Variants in WWC1 observed in about 807,000 individuals in gnomAD.
WWC1 encodes protein KIBRA.
In WWC1, 55 loss-of-function variants were observed where a neutral mutation model predicts 138.4. The ratio of observed to expected loss-of-function variants is 0.40; its 90% CI spans 0.32 to 0.50. The LOEUF is 0.50. Among genes scored for constraint, WWC1 ranks in the 20% least tolerant of loss-of-function variants. The pLI is 0.72. For missense variants in WWC1, 1,226 were observed against 1,420.4 expected, an observed-to-expected ratio of 0.86 and a Z score of 2.20; for synonymous variants, 524 against 564.9, an observed-to-expected ratio of 0.93 and a Z score of 1.03.
At chr5:168,447,726 T>G (rs1161526303) in intron 17 of WWC1, among the ~76,000 whole-genome samples, 2 of 152,140 alleles carry the variant, frequency 1.3e-5, no homozygotes, top group Non-Finnish European at 2.9e-5. Flanking sequence ...GTATGTTCCT[T>G]TGTTAGTTTA....
intron 9 of WWC1, among the ~76,000 whole-genome samples, chr5:168,421,082 A>AT (rs1254118998): frequency 6.6e-6 from 1 of 152,132 alleles, no homozygotes; most frequent in Non-Finnish European, 1.5e-5. Flanking sequence ...TGTTCATATA[A>AT]TGTCTAATTG....
chr5:168,386,568 T>A (rs1403391303), intron 3 of WWC1, among the ~76,000 whole-genome samples: 2 of 151,762 alleles, frequency 1.3e-5, no homozygotes, highest in African/African-American at 4.8e-5. Context: ...AATTTTTTTT[T>A]GTATTTTTAG....
intron 8 of WWC1, chr5:168,411,969 G>C (rs1383315949): frequency 3.6e-5 from 35 of 984,890 alleles, no homozygotes; most frequent in Non-Finnish European, 4.2e-5. Flanking sequence ...ATACTGGTCA[G>C]GTAGAAAAAA....
At chr5:168,386,049 AGTGCCTTAGTAT>A (rs1353963192) in intron 3 of WWC1, among the ~76,000 whole-genome samples, 3 of 151,178 alleles carry the variant, frequency 2.0e-5, no homozygotes, top group African/African-American at 4.9e-5. Context: ...TTTCCACCTC[AGTGCCTTAGTAT>A]GTGCCGGTCC....
At position 168,424,025 on chromosome 5, in the gene WWC1, C is replaced by A. The variant is rs765173932; in HGVS notation, c.1767C>A (p.Tyr589Ter). ...TTGGTAACAGCGCCCAGGAAAGATA[C>A]CGGCTGGAGGAACCAGGAACGGAGG... ...LSLGNSAQER[Y>*]RLEEPGTEGK... is the part of the protein sequence containing the mutation. Residue 589 changes from tyrosine to a stop codon, truncating the protein, a stop_gained, in exon 11 of 23, where the codon TAC becomes TAA. Coordinates refer to ENST00000265293, the MANE Select transcript of WWC1 (RefSeq NM_015238.3). LOFTEE classifies it high-confidence loss of function. The A allele has an allele frequency of 6.2e-7, 1 of 1,612,062 alleles. No individual in the cohort carries two copies. Among genetic ancestry groups the A allele is most frequent in the Non-Finnish European group, 8.5e-7 (1 of 1,179,032 alleles).
intron 1 of WWC1, among the ~76,000 whole-genome samples, chr5:168,312,495 A>T (rs1010264648): frequency 6.6e-6 from 1 of 152,234 alleles, no homozygotes; most frequent in Non-Finnish European, 1.5e-5. Context: ...GGTTGTTGTG[A>T]GAATTAAGCA....
intron 1 of WWC1, among the ~76,000 whole-genome samples, chr5:168,322,717 C>G: frequency 6.6e-6 from 1 of 152,174 alleles, no homozygotes; most frequent in East Asian, 1.9e-4. Context: ...AATCAAGAGA[C>G]AGGTCGGTCT....
chr5:168,371,407 C>T lies in WWC1; in HGVS notation c.120-17C>T. 4 of 1,602,186 alleles carry T rather than the reference C, an allele frequency of 2.5e-6. No individual in the cohort carries two copies. In the South Asian group the frequency reaches 4.4e-5, roughly 18 times the overall value. On this transcript the variant is annotated splice_polypyrimidine_tract_variant and intron_variant, in intron 1 of 22. Transcript: ENST00000265293. ...GACTGTAGGCTGATGGAGTCTGTTT[C>T]TCCTCTCCCTTGCCAGGTACACCAA...
intron 9 of WWC1, among the ~76,000 whole-genome samples, chr5:168,420,006 C>T (rs1780963570): frequency 6.6e-6 from 1 of 152,234 alleles, no homozygotes. Flanking sequence ...CATCCACTAA[C>T]TTCTCCCGAC....
At chr5:168,458,286 T>C (rs1348403895) in intron 19 of WWC1, among the ~76,000 whole-genome samples, 1 of 152,168 alleles carries the variant, frequency 6.6e-6, no homozygotes, top group African/African-American at 2.4e-5. Flanking sequence ...GTGCTCTAGG[T>C]CACACAGCTG....
At chr5:168,468,863 A>G in intron 22 of WWC1, 88 bp from the exon 23 acceptor site, 1 of 1,408,668 alleles carries the variant, frequency 7.1e-7, no homozygotes, top group Non-Finnish European at 1.0e-6. Context: ...TGTATAGGAC[A>G]GCTCCCACGA....
chr5:168,340,304 G>A (rs1295684094), intron 1 of WWC1, among the ~76,000 whole-genome samples: 2 of 152,122 alleles, frequency 1.3e-5, no homozygotes, highest in Non-Finnish European at 2.9e-5. Flanking sequence ...TTGAACTCCT[G>A]ACCTCAGGTT....
chr5:168,294,273 T>C (rs1279053682), intron 1 of WWC1, among the ~76,000 whole-genome samples: 2 of 150,278 alleles, frequency 1.3e-5, no homozygotes, highest in East Asian at 3.9e-4. Flanking sequence ...ACCTCCATGA[T>C]TTTTTTTTGC....
At chr5:168,318,682 C>T (rs1245712054) in intron 1 of WWC1, among the ~76,000 whole-genome samples, 1 of 151,938 alleles carries the variant, frequency 6.6e-6, no homozygotes, top group Non-Finnish European at 1.5e-5. Context: ...GCCTCAGCCT[C>T]CCAAATAGCT....
At chr5:168,307,014 C>T (rs1480015339) in intron 1 of WWC1, among the ~76,000 whole-genome samples, 3 of 152,230 alleles carry the variant, frequency 2.0e-5, no homozygotes, top group Admixed American at 6.5e-5. Flanking sequence ...AAATGGGTTG[C>T]AGACACTACC....
chr5:168,464,866 G>T lies in WWC1; in HGVS notation c.3054G>T (p.Gln1018His). The T allele has an allele frequency of 6.2e-7, 1 of 1,614,234 alleles. No homozygotes were observed. Among genetic ancestry groups the T allele is most frequent in the Non-Finnish European group, 8.5e-7 (1 of 1,180,042 alleles). Reference sequence around the variant, plus strand: ...CGGTGCTGAAGGAGCTCAAGGAGCAGCTGGAACAAGCCAAGAGCCACGGGG... The same window carrying T: ...CGGTGCTGAAGGAGCTCAAGGAGCATCTGGAACAAGCCAAGAGCCACGGGG... Reference protein sequence around the residue: ...EISVLKELKEQLEQAKSHGEK... With the variant: ...EISVLKELKEHLEQAKSHGEK... The change falls in exon 21 of 23, where the codon CAG (glutamine) becomes CAT (histidine). Residue 1018 changes from glutamine to histidine, a missense_variant. Around this residue, in one of 3 missense-constraint regions of WWC1, gnomAD observed 206 missense variants for 247.4 expected, o/e 0.83. Transcript: ENST00000265293.
chr5:168,378,945 T>C (rs1777424435), intron 2 of WWC1, among the ~76,000 whole-genome samples: 1 of 152,008 alleles, frequency 6.6e-6, no homozygotes, highest in African/African-American at 2.4e-5. Context: ...AGAAAACAGG[T>C]GTGTGGCAAG....
intron 1 of WWC1, among the ~76,000 whole-genome samples, chr5:168,337,939 A>G (rs1773635975): frequency 6.6e-6 from 1 of 152,140 alleles, no homozygotes; most frequent in South Asian, 2.1e-4. Context: ...CGGGTGCTGG[A>G]GCAGAGTGAG....
At chr5:168,322,241 T>C (rs1347524319) in intron 1 of WWC1, among the ~76,000 whole-genome samples, 3 of 150,642 alleles carry the variant, frequency 2.0e-5, no homozygotes, top group Non-Finnish European at 4.4e-5. Context: ...AATATACCAC[T>C]CTTCTCACCA....
Sources: allele counts gnomAD v4.1 joint callset (sites outside exome capture counted in the v4.1 genomes callset), GRCh38; gene constraint gnomAD v4.1.1; regional missense constraint gnomAD v4.1.1; transcripts MANE v1.5; gene names NCBI Gene and HGNC (gene_info 2026-07-23, HGNC 2026-07-21).